INPP4B: variants seen among roughly 807,000 people sequenced by gnomAD.
INPP4B encodes the protein inositol polyphosphate-4-phosphatase type II B.
A neutral mutation model predicts 122.5 loss-of-function variants in INPP4B; 55 were observed. That is an observed-to-expected ratio of 0.45 (90% CI 0.36 to 0.56). The LOEUF (loss-of-function observed/expected upper bound fraction) is 0.56, where lower values mean the gene tolerates loss of function less well. INPP4B is among the 20% of genes least tolerant of loss of function. The pLI, the probability that INPP4B is intolerant of heterozygous loss-of-function variation, is 0.00. For synonymous variants in INPP4B, 403 were observed against 388.7 expected (o/e 1.04, Z -0.43); for missense variants, 1,000 against 1,097.7 (o/e 0.91, Z 1.26).
chr4:142,300,881 G>A (rs1470196634), intron 9 of INPP4B, among the ~76,000 whole-genome samples: 1 of 151,990 alleles, frequency 6.6e-6, no homozygotes, highest in African/African-American at 2.4e-5. Flanking sequence ...ATAAATACTT[G>A]CACATCTCTA....
chr4:142,336,940 C>A (rs1776821239), intron 7 of INPP4B, among the ~76,000 whole-genome samples: 1 of 152,222 alleles, frequency 6.6e-6, no homozygotes, highest in Admixed American at 6.5e-5. Context: ...GTATTCTCCA[C>A]TAGAGACAAT....
chr4:142,815,833 TC>T (rs1354950134), intron 1 of INPP4B, among the ~76,000 whole-genome samples: 4 of 152,186 alleles, frequency 2.6e-5, no homozygotes, highest in Admixed American at 2.0e-4. Context: ...AGAAACCTAC[TC>T]CAGAAAACCT....
intron 9 of INPP4B, among the ~76,000 whole-genome samples, chr4:142,277,180 CT>C (rs961485419): frequency 0.043 from 6,041 of 139,744 alleles, 381 homozygotes; most frequent in African/African-American, 0.15. Flanking sequence ...TGGGATTGTT[CT>C]TTTTTTTTTT....
intron 1 of INPP4B, among the ~76,000 whole-genome samples, chr4:142,737,928 A>G (rs927725883): frequency 1.3e-5 from 2 of 152,260 alleles, no homozygotes; most frequent in African/African-American, 4.8e-5. Flanking sequence ...CACACCAGTT[A>G]GAATGGCAAT....
At position 142,242,452 on chromosome 4, in the gene INPP4B, A is replaced by C. The variant is rs541849498; in HGVS notation, c.689-4441T>G. 1.1e-4 allele frequency among the ~76,000 whole-genome samples: 16 copies of C among 152,332 alleles called. No individual in the cohort carries two copies. In the South Asian group the frequency reaches 3.1e-3, roughly 30 times the overall value. On this transcript the variant is annotated intron_variant, in intron 11 of 25. Transcript: ENST00000262992. ...GTGACAATTGGTGAATTTCATCTGT[A>C]GAATTTGGATTTGAGATCTTGGGTG... is the stretch of plus-strand genomic sequence containing the variant.
intron 12 of INPP4B, among the ~76,000 whole-genome samples, chr4:142,221,195 C>T (rs1321164064): frequency 1.3e-5 from 2 of 151,810 alleles, no homozygotes; most frequent in Non-Finnish European, 2.9e-5. Context: ...GTCAGGAGAT[C>T]GAGACCATGC....
intron 2 of INPP4B, among the ~76,000 whole-genome samples, chr4:142,608,377 T>C (rs111720511): frequency 0.025 from 3,841 of 152,272 alleles, 58 homozygotes; most frequent in Middle Eastern, 0.088. Context: ...AAAACAAACA[T>C]GATAATGTCA....
intron 12 of INPP4B, among the ~76,000 whole-genome samples, chr4:142,222,439 C>A (rs530375202): frequency 6.6e-6 from 1 of 152,194 alleles, no homozygotes; most frequent in Admixed American, 6.5e-5. Context: ...AAGCCACCAT[C>A]ATCAAAAGCC....
rs1823475424 is a variant in INPP4B at position 142,167,687 on chromosome 4, T to A, written c.1359+5945A>T. On this transcript the variant is annotated intron_variant, in intron 16 of 25. Transcript: ENST00000262992. ...ACTGAACTTTATGCCTTTGCTACAC[T>A]AGTATGTTACAAAGGACGTAATACA... 2.0e-5 allele frequency among the ~76,000 whole-genome samples: 3 copies of A among 151,776 alleles called. No individual in the cohort carries two copies. The South Asian group carries it at 6.2e-4, about 31-fold the overall frequency.
chr4:142,781,658 T>C (rs892342213), intron 1 of INPP4B, among the ~76,000 whole-genome samples: 1 of 152,150 alleles, frequency 6.6e-6, no homozygotes, highest in Non-Finnish European at 1.5e-5. Context: ...AAATTAGAAA[T>C]TGGATGATTT....
intron 2 of INPP4B, among the ~76,000 whole-genome samples, chr4:142,548,144 G>A (rs1367137544): frequency 6.6e-6 from 1 of 152,136 alleles, no homozygotes; most frequent in Non-Finnish European, 1.5e-5. Flanking sequence ...TCCAACTTCT[G>A]TACAATAGAG....
rs1258444204 is a variant in INPP4B, at chr4:142,577,756, G to A, written c.-190-115030C>T. 2.0e-5 allele frequency among the ~76,000 whole-genome samples: 3 copies of A among 151,906 alleles called. No individual in the cohort carries two copies. The Admixed American group carries it at 2.0e-4, about 10-fold the overall frequency. On this transcript the variant is annotated intron_variant, in intron 2 of 25. Transcript: ENST00000262992. ...GAATAGTGCCTTGAACTTAATAAAT[G>A]CTGGCTTTTTCTCTCTTATTCTGAT...
chr4:142,536,607 C>G (rs1010653201), intron 2 of INPP4B, among the ~76,000 whole-genome samples: 10 of 152,110 alleles, frequency 6.6e-5, no homozygotes, highest in Non-Finnish European at 1.5e-4. Flanking sequence ...CTGAAGTTGT[C>G]TCTTCCTGCA....
chr4:142,418,574 T>C (rs895198899), intron 5 of INPP4B, among the ~76,000 whole-genome samples: 2 of 152,108 alleles, frequency 1.3e-5, no homozygotes, highest in Admixed American at 1.3e-4. Context: ...AAATGTTCTC[T>C]GATGAGGTGG....
chr4:142,768,415 C>G (rs1050300716), intron 1 of INPP4B, among the ~76,000 whole-genome samples: 2 of 152,166 alleles, frequency 1.3e-5, no homozygotes, highest in Non-Finnish European at 2.9e-5. Flanking sequence ...TAGCAACACA[C>G]TCTGCCCAGA....
intron 5 of INPP4B, among the ~76,000 whole-genome samples, chr4:142,420,405 G>T (rs1028484962): frequency 6.6e-6 from 1 of 152,032 alleles, no homozygotes; most frequent in Non-Finnish European, 1.5e-5. Flanking sequence ...TCTGCGGGGT[G>T]CACCAAATGT....
intron 2 of INPP4B, among the ~76,000 whole-genome samples, chr4:142,573,251 C>G (rs1733196337): frequency 6.6e-6 from 1 of 152,016 alleles, no homozygotes; most frequent in African/African-American, 2.4e-5. Flanking sequence ...CACTTCCCAC[C>G]GGGTCACTTA....
chr4:142,498,109 G>GTATA (rs1553944744), intron 2 of INPP4B, among the ~76,000 whole-genome samples: 7 of 89,924 alleles, frequency 7.8e-5, no homozygotes, highest in Admixed American at 1.4e-4. Context: ...GTGTGTGTGT[G>GTATA]TATATATATA....
At chr4:142,785,155 G>C (rs1276680978) in intron 1 of INPP4B, among the ~76,000 whole-genome samples, 1 of 152,064 alleles carries the variant, frequency 6.6e-6, no homozygotes, top group African/African-American at 2.4e-5. Flanking sequence ...AAGAAAATTA[G>C]AGGAAATTTA....
Sources: gnomAD v4.1 joint callset for allele counts (sites outside exome capture counted in the v4.1 genomes callset) on GRCh38, gnomAD v4.1.1 for gene constraint, MANE v1.5 for transcripts, NCBI Gene and HGNC (gene_info 2026-07-23, HGNC 2026-07-21) for gene names.